SHTN1: variants seen among roughly 807,000 people sequenced by gnomAD.
The protein encoded by SHTN1 is shootin 1.
Under a neutral mutation model 83.1 loss-of-function variants are expected in SHTN1, and 42 were observed. The ratio of observed to expected loss-of-function variants is 0.51; its 90% CI spans 0.39 to 0.65. SHTN1 has a LOEUF of 0.65. SHTN1 is among the 30% of genes least tolerant of loss of function. The pLI is 0.00. For missense variants in SHTN1, 622 were observed against 737.8 expected, an observed-to-expected ratio of 0.84 and a Z score of 1.82; for synonymous variants, 224 against 247.7, an observed-to-expected ratio of 0.90 and a Z score of 0.90.
At chr10:116,982,423 A>T (rs987739076) in intron 1 of SHTN1, among the ~76,000 whole-genome samples, 3 of 151,840 alleles carry the variant, frequency 2.0e-5, no homozygotes, top group Admixed American at 2.0e-4. Context: ...ACAGACATGC[A>T]CACACATACA....
Position 116,960,180 on chromosome 10 carries a change from T to C in SHTN1, c.223A>G (p.Ile75Val). The change falls in exon 4 of 17, where the codon ATA becomes GTA. Residue 75 changes from isoleucine (I) to valine (V), a missense_variant. Transcript: ENST00000355371. ...EVNFMQNHLE[I>V]EKTCRESAEA... ...GCACTTTCTCGACAAGTCTTCTCTA[T>C]TTCAAGATGGTTCTGCATGAAATTA... The C allele has an allele frequency of 6.2e-7, 1 of 1,612,182 alleles. No homozygotes were observed. Among genetic ancestry groups the C allele is most frequent in the Non-Finnish European group, 8.5e-7 (1 of 1,178,548 alleles).
At chr10:116,981,616 A>G (rs1376403756) in intron 1 of SHTN1, among the ~76,000 whole-genome samples, 2 of 152,234 alleles carry the variant, frequency 1.3e-5, no homozygotes, top group Non-Finnish European at 2.9e-5. Context: ...AAACAGATAT[A>G]TAAGTATTTT....
At chr10:117,026,843 G>A (rs987406253) in intron 2 of SHTN1, among the ~76,000 whole-genome samples, 1 of 152,208 alleles carries the variant, frequency 6.6e-6, no homozygotes, top group African/African-American at 2.4e-5. Context: ...GGCCTGGCTG[G>A]CTTTGCCACC....
chr10:117,073,590 A>G (rs1443814234), intron 1 of SHTN1, among the ~76,000 whole-genome samples: 2 of 152,174 alleles, frequency 1.3e-5, no homozygotes, highest in Non-Finnish European at 2.9e-5. Flanking sequence ...TTTGCATTTC[A>G]TTGATTAGCC....
At chr10:117,035,831 C>A (rs1320271982) in intron 2 of SHTN1, among the ~76,000 whole-genome samples, 2 of 149,756 alleles carry the variant, frequency 1.3e-5, no homozygotes, top group Non-Finnish European at 3.0e-5. Context: ...CTGTAAATCC[C>A]AGCTACTCAG....
chr10:117,014,584 A>G lies in SHTN1; in HGVS notation c.-123+33861T>C, dbSNP rs1268160410. On this transcript the variant is annotated intron_variant, in intron 2 of 17. Coordinates refer to the SHTN1 transcript ENST00000392901. ...CTACATGTAGGGTAGGGTTGAATAA[A>G]TAAGTAAATCAACTGTAGATAATGG... Among the ~76,000 whole-genome samples, 4 of 152,164 alleles carry G rather than the reference A, an allele frequency of 2.6e-5. No homozygotes were observed. In the East Asian group the frequency reaches 5.8e-4, roughly 22 times the overall value.
chr10:117,081,626 G>A (rs1853264054), intron 1 of SHTN1, among the ~76,000 whole-genome samples: 2 of 143,190 alleles, frequency 1.4e-5, no homozygotes, highest in Admixed American at 7.1e-5. Context: ...GTTCCTCCTT[G>A]TACCTCTGGT....
chr10:116,930,737 A>G (rs768023521), intron 9 of SHTN1, among the ~76,000 whole-genome samples: 44 of 152,186 alleles, frequency 2.9e-4, no homozygotes, highest in Non-Finnish European at 1.6e-4. Context: ...TCCTTTGGGC[A>G]TATATCCAAT....
chr10:116,962,829 G>A (rs1480414820), intron 3 of SHTN1, among the ~76,000 whole-genome samples: 1 of 151,846 alleles, frequency 6.6e-6, no homozygotes, highest in Non-Finnish European at 1.5e-5. Flanking sequence ...TTAATTTTTA[G>A]TTTAAGAAAT....
chr10:117,036,652 G>A (rs1245958306), intron 2 of SHTN1, among the ~76,000 whole-genome samples: 1 of 152,058 alleles, frequency 6.6e-6, no homozygotes, highest in East Asian at 1.9e-4. Context: ...GTGGGTGGGG[G>A]GAAATAAGGA....
At chr10:117,054,507 G>A (rs756071225) in intron 1 of SHTN1, among the ~76,000 whole-genome samples, 16 of 150,572 alleles carry the variant, frequency 1.1e-4, no homozygotes, top group Admixed American at 4.0e-4. Context: ...CTGGGTTCAC[G>A]CCATTCTCCT....
At chr10:116,997,512 T>G (rs570241953) in intron 1 of SHTN1, among the ~76,000 whole-genome samples, 33 of 152,290 alleles carry the variant, frequency 2.2e-4, no homozygotes, top group Non-Finnish European at 4.7e-4. Context: ...ACCTTGACAG[T>G]TGGGAGAAGT....
chr10:117,007,554 CAAAAAAAAAA>C (rs35941784), upstream of SHTN1, among the ~76,000 whole-genome samples: 4 of 16,382 alleles, frequency 2.4e-4, no homozygotes, highest in East Asian at 2.6e-3. Context: ...GACTCCATCT[CAAAAAAAAAA>C]AAAAAAAAAA....
At position 116,883,985 on chromosome 10, in the gene SHTN1, T is replaced by C; in HGVS notation, c.*2359A>G. ...CACAAAGTACCTCTATCTCTGTTCCTCACTCGGGCTATAAAATGCATCAAC... is the reference window on the plus strand; with the variant it reads ...CACAAAGTACCTCTATCTCTGTTCCCCACTCGGGCTATAAAATGCATCAAC... On this transcript the variant is annotated 3_prime_UTR_variant, in exon 17 of 17. Transcript: ENST00000355371. The C allele has an allele frequency of 4.5e-6, 1 of 222,784 alleles. No individual in the cohort carries two copies. The highest frequency in any genetic ancestry group is 9.4e-6 in the Non-Finnish European group (1 of 106,378). 13.8% of individuals were successfully genotyped at this position (222,784 alleles called of 1,614,324 possible).
chr10:116,963,035 GTTTTTT>G (rs71013628), intron 3 of SHTN1, among the ~76,000 whole-genome samples: 1 of 45,260 alleles, frequency 2.2e-5, no homozygotes, highest in Admixed American at 3.5e-4. Context: ...AATAATAAAA[GTTTTTT>G]TTTTTTTTTT....
intron 1 of SHTN1, among the ~76,000 whole-genome samples, chr10:117,110,061 T>C (rs1853743398): frequency 1.3e-5 from 2 of 152,130 alleles, no homozygotes; most frequent in Admixed American, 1.3e-4. Context: ...AAGGTCAAAA[T>C]AGCTAATATG....
intron 16 of SHTN1, among the ~76,000 whole-genome samples, chr10:116,895,687 C>G (rs755130362): frequency 3.9e-5 from 6 of 152,156 alleles, no homozygotes; most frequent in Non-Finnish European, 8.8e-5. Context: ...TCTTTTCTTT[C>G]TCCTTCCTTA....
In SHTN1 at chr10:117,078,412, C is replaced by CT. The variant is rs377697949; in HGVS notation, c.-188-29903dup. ...GTAATCTTGTGGCCACCGCTGGTGA[C>CT]TAACAGCCTTTGACATTTACTCTCG... is the stretch of plus-strand genomic sequence containing the variant. On this transcript the variant is annotated intron_variant, in intron 1 of 17. Coordinates refer to the SHTN1 transcript ENST00000392901. Among the ~76,000 whole-genome samples, 562 of 152,276 alleles carry CT rather than the reference C, an allele frequency of 3.7e-3. 3 individuals carry two copies. The highest frequency in any genetic ancestry group is 0.013 in the African/African-American group (536 of 41,560).
chr10:117,113,066 T>A (rs763878394), intron 1 of SHTN1, among the ~76,000 whole-genome samples: 4 of 152,236 alleles, frequency 2.6e-5, no homozygotes, highest in Non-Finnish European at 4.4e-5. Context: ...GGTAGATTTA[T>A]CACGATTAGG....
Sources: gnomAD v4.1 joint callset for allele counts (sites outside exome capture counted in the v4.1 genomes callset) on GRCh38, gnomAD v4.1.1 for gene constraint, MANE v1.5 for transcripts, NCBI Gene and HGNC (gene_info 2026-07-23, HGNC 2026-07-21) for gene names.